TENM2: variants seen among roughly 807,000 people sequenced by gnomAD.
TENM2 encodes teneurin transmembrane protein 2.
Under a neutral mutation model 245.2 loss-of-function variants are expected in TENM2, and 52 were observed. The observed-to-expected ratio is 0.21, with a 90% confidence interval of 0.17 to 0.27. TENM2 has a LOEUF of 0.27. TENM2 is among the 10% of genes least tolerant of loss of function. The pLI is 1.00. For missense variants in TENM2, 3,046 were observed against 3,666.8 expected (o/e 0.83, Z 4.37); for synonymous variants, 1,363 against 1,438.9 (o/e 0.95, Z 1.19).
At chr5:167,401,362 G>A (rs1762358283) in intron 2 of TENM2, among the ~76,000 whole-genome samples, 1 of 152,116 alleles carries the variant, frequency 6.6e-6, no homozygotes, top group South Asian at 2.1e-4. Flanking sequence ...GGATGCTTAT[G>A]GACAGGAGCT....
intron 2 of TENM2, among the ~76,000 whole-genome samples, chr5:167,657,775 A>G (rs914978946): frequency 1.3e-5 from 2 of 152,230 alleles, no homozygotes; most frequent in African/African-American, 4.8e-5. Flanking sequence ...AATCTTAAAT[A>G]GAGGTTGCTG....
At chr5:167,860,126 C>T (rs1267273616) in intron 2 of TENM2, among the ~76,000 whole-genome samples, 1 of 78,888 alleles carries the variant, frequency 1.3e-5, no homozygotes, top group East Asian at 4.3e-4. Context: ...TCTGCCTGGC[C>T]GCCCCTACTG....
At chr5:167,082,816 A>C in the TENM2 span, among the ~76,000 whole-genome samples, 2 of 152,298 alleles carry the variant, frequency 1.3e-5, no homozygotes, top group African/African-American at 4.8e-5. Context: ...TTCTATTTAC[A>C]GTAAATAATA....
chr5:167,308,958 C>T (rs541541724), intron 1 of TENM2, among the ~76,000 whole-genome samples: 105 of 141,288 alleles, frequency 7.4e-4, no homozygotes, highest in African/African-American at 2.7e-3. Flanking sequence ...CCAACCTTGA[C>T]ACTTAATAAA....
At chr5:167,869,731 C>T (rs1484515532) in intron 2 of TENM2, among the ~76,000 whole-genome samples, 1 of 152,142 alleles carries the variant, frequency 6.6e-6, no homozygotes, top group African/African-American at 2.4e-5. Flanking sequence ...TATCTTGTCA[C>T]ACAGCCCTCT....
In TENM2 at chr5:168,238,225, AAAAGAAAAG is replaced by A. The variant is rs1379107189; in HGVS notation, c.5521-6191_5521-6183del. ...AGGGAGGGAGGGAGGGAGAGAGAAG[AAAAGAAAAG>A]AAAAGAAAAGAAAAGAAAAGAAAAG... On this transcript the variant is annotated intron_variant, in intron 25 of 28. Coordinates refer to ENST00000518659, the Ensembl canonical transcript of TENM2. Among the ~76,000 whole-genome samples, 6 of 66,636 alleles carry A rather than the reference AAAAGAAAAG, an allele frequency of 9.0e-5. 1 individual carries two copies. Among genetic ancestry groups the A allele is most frequent in the Non-Finnish European group, 1.9e-4 (6 of 31,650 alleles). The allele number at this position is 66,636 out of a possible 152,430, so 43.7% of individuals were successfully genotyped here.
intron 2 of TENM2, among the ~76,000 whole-genome samples, chr5:167,531,793 TG>T (rs1157962198): frequency 6.6e-6 from 1 of 152,204 alleles, no homozygotes; most frequent in Admixed American, 6.5e-5. Context: ...GTTGGGGTTT[TG>T]TAGCTTTCTT....
intron 9 of TENM2, among the ~76,000 whole-genome samples, chr5:168,112,992 T>A (rs1468257843): frequency 6.6e-6 from 1 of 152,230 alleles, no homozygotes; most frequent in Non-Finnish European, 1.5e-5. Context: ...TAGCTTCAAG[T>A]ATTTTCACCT....
the TENM2 span, among the ~76,000 whole-genome samples, chr5:167,134,191 T>C: frequency 6.6e-6 from 1 of 152,336 alleles, no homozygotes; most frequent in South Asian, 2.1e-4. Context: ...GAAACAGTTA[T>C]TGATTTGGAA....
chr5:167,121,647 G>A, the TENM2 span, among the ~76,000 whole-genome samples: 1 of 152,170 alleles, frequency 6.6e-6, no homozygotes, highest in African/African-American at 2.4e-5. Flanking sequence ...CAAAAGTGAG[G>A]GGGCTAGAAC....
At chr5:167,775,069 A>G (rs1270274700) in intron 2 of TENM2, among the ~76,000 whole-genome samples, 1 of 152,102 alleles carries the variant, frequency 6.6e-6, no homozygotes, top group South Asian at 2.1e-4. Context: ...TCCCGAGTTC[A>G]AGCAGTTCTC....
intron 3 of TENM2, among the ~76,000 whole-genome samples, chr5:167,936,830 C>T (rs368747409): frequency 1.1e-4 from 17 of 152,292 alleles, no homozygotes; most frequent in African/African-American, 3.8e-4. Context: ...TCAGTCTCTC[C>T]TAGTCACTAA....
intron 13 of TENM2, among the ~76,000 whole-genome samples, chr5:168,188,424 G>A (rs1175731731): frequency 1.3e-5 from 2 of 152,176 alleles, no homozygotes; most frequent in African/African-American, 4.8e-5. Context: ...AGTGAATAAG[G>A]ATTGACTAAC....
chr5:167,554,966 A>C (rs1773171285), intron 2 of TENM2, among the ~76,000 whole-genome samples: 1 of 152,138 alleles, frequency 6.6e-6, no homozygotes, highest in Admixed American at 6.6e-5. Context: ...CTTATAAATT[A>C]ATTTTTTTTC....
chr5:167,979,124 C>T (rs1206487779), intron 4 of TENM2, among the ~76,000 whole-genome samples: 1 of 152,076 alleles, frequency 6.6e-6, no homozygotes, highest in African/African-American at 2.4e-5. Context: ...AGGGTAAATG[C>T]AACTCTTCAG....
intron 12 of TENM2, among the ~76,000 whole-genome samples, chr5:168,142,512 T>A (rs949615037): frequency 6.6e-6 from 1 of 152,236 alleles, no homozygotes; most frequent in Admixed American, 6.5e-5. Context: ...AAAATGTTGC[T>A]GATACTGATG....
intron 2 of TENM2, among the ~76,000 whole-genome samples, chr5:167,453,147 A>G (rs1561968459): frequency 6.6e-6 from 1 of 151,334 alleles, no homozygotes; most frequent in Non-Finnish European, 1.5e-5. Context: ...CTGACAATAT[A>G]TTGTAACTGC....
intron 2 of TENM2, among the ~76,000 whole-genome samples, chr5:167,494,618 G>T (rs188026228): frequency 1.2e-3 from 181 of 152,158 alleles, no homozygotes; most frequent in Non-Finnish European, 4.9e-4. Flanking sequence ...ATACAATCAA[G>T]TATGAAACAA....
chr5:168,178,223 G>C (rs1045801146), intron 13 of TENM2, among the ~76,000 whole-genome samples: 2 of 152,224 alleles, frequency 1.3e-5, no homozygotes, highest in Non-Finnish European at 2.9e-5. Flanking sequence ...GTCACTGTCT[G>C]GCACCAGGCT....
Sources: gnomAD v4.1 joint callset for allele counts (sites outside exome capture counted in the v4.1 genomes callset) on GRCh38, gnomAD v4.1.1 for gene constraint, MANE v1.5 for transcripts, NCBI Gene and HGNC (gene_info 2026-07-23, HGNC 2026-07-21) for gene names.